Variants in NXPH1 observed in about 807,000 individuals in gnomAD.
The protein encoded by NXPH1 is neurexophilin-1.
In NXPH1, 5 loss-of-function variants were observed where a neutral mutation model predicts 23.7. The observed-to-expected ratio is 0.21, with a 90% CI of 0.11 to 0.44. The LOEUF is 0.44. Ranked by LOEUF, NXPH1 falls within the 20% of genes least tolerant of loss-of-function variation. The pLI, the probability that NXPH1 is intolerant of heterozygous loss-of-function variation, is 0.99. For missense variants in NXPH1, 324 were observed against 321.6 expected (o/e 1.01, Z -0.06); for synonymous variants, 144 against 122.2 (o/e 1.18, Z -1.18).
At chr7:8,646,112 A>T (rs945980225) in intron 2 of NXPH1, among the ~76,000 whole-genome samples, 1 of 152,122 alleles carries the variant, frequency 6.6e-6, no homozygotes, top group Non-Finnish European at 1.5e-5. Flanking sequence ...CTATCCATTA[A>T]TGTGACCAAC....
At chr7:8,742,293 G>A (rs953774130) in intron 2 of NXPH1, among the ~76,000 whole-genome samples, 2 of 151,950 alleles carry the variant, frequency 1.3e-5, no homozygotes, top group Non-Finnish European at 2.9e-5. Context: ...AATGAGAGAG[G>A]GGAGTGGGAT....
At chr7:8,641,323 T>A (rs923355093) in intron 2 of NXPH1, among the ~76,000 whole-genome samples, 2 of 152,210 alleles carry the variant, frequency 1.3e-5, no homozygotes, top group African/African-American at 4.8e-5. Flanking sequence ...AAAACCCTGG[T>A]GTGCGGGAGC....
At chr7:8,443,947 C>G (rs1373377870) in intron 2 of NXPH1, among the ~76,000 whole-genome samples, 5 of 152,202 alleles carry the variant, frequency 3.3e-5, no homozygotes, top group Non-Finnish European at 5.9e-5. Flanking sequence ...GCCGCTGTTG[C>G]ACACTCCCCT....
chr7:8,501,031 A>G (rs995719677), intron 2 of NXPH1, among the ~76,000 whole-genome samples: 2 of 152,076 alleles, frequency 1.3e-5, no homozygotes, highest in Non-Finnish European at 2.9e-5. Context: ...CTGGTCTGCA[A>G]TTGTGGAAGG....
At chr7:8,481,947 G>A (rs928280272) in intron 2 of NXPH1, among the ~76,000 whole-genome samples, 4 of 152,130 alleles carry the variant, frequency 2.6e-5, no homozygotes, top group Non-Finnish European at 4.4e-5. Flanking sequence ...AGCACCTGAT[G>A]CCCCCTCTGG....
intron 2 of NXPH1, among the ~76,000 whole-genome samples, chr7:8,717,935 G>A (rs1779904852): frequency 6.7e-6 from 1 of 150,258 alleles, no homozygotes; most frequent in South Asian, 2.1e-4. Flanking sequence ...ATATGCATGT[G>A]TATACATATA....
At position 8,738,798 on chromosome 7, in the gene NXPH1, C is replaced by T. The variant is rs7796533; in HGVS notation, c.55-12210C>T. Among the ~76,000 whole-genome samples the T allele has an allele frequency of 6.6e-3, 1,007 of 152,236 alleles. 11 individuals are homozygous for T. Among genetic ancestry groups the T allele is most frequent in the African/African-American group, 0.023 (966 of 41,520 alleles). On this transcript the variant is annotated intron_variant, in intron 2 of 2. Transcript: ENST00000405863. ...TATAAGCCCCTGACTGGGGCTGCTG[C>T]CTTTCTTTCAGAGATGCCCTGACCA...
chr7:8,472,740 T>A (rs1199295363), intron 2 of NXPH1, among the ~76,000 whole-genome samples: 1 of 152,096 alleles, frequency 6.6e-6, no homozygotes, highest in Non-Finnish European at 1.5e-5. Flanking sequence ...TTATAAAGAG[T>A]TAAACTAGGC....
At chr7:8,669,576 T>C (rs898169589) in intron 2 of NXPH1, among the ~76,000 whole-genome samples, 4 of 152,118 alleles carry the variant, frequency 2.6e-5, no homozygotes, top group African/African-American at 9.7e-5. Context: ...TTTACTGGGG[T>C]GAACCTGGTG....
At chr7:8,445,653 C>G (rs1816391709) in intron 2 of NXPH1, among the ~76,000 whole-genome samples, 1 of 152,100 alleles carries the variant, frequency 6.6e-6, no homozygotes, top group Admixed American at 6.6e-5. Context: ...TTTAAAGAGC[C>G]TTTTTCATTT....
chr7:8,715,993 G>A (rs1779871461), intron 2 of NXPH1, among the ~76,000 whole-genome samples: 1 of 152,046 alleles, frequency 6.6e-6, no homozygotes, highest in Non-Finnish European at 1.5e-5. Context: ...ATACATATAT[G>A]TGTACATATA....
At chr7:8,588,295 G>C (rs1221507185) in intron 2 of NXPH1, among the ~76,000 whole-genome samples, 2 of 152,138 alleles carry the variant, frequency 1.3e-5, no homozygotes, top group African/African-American at 4.8e-5. Flanking sequence ...AGACACAGGA[G>C]TGAATTTTTT....
Position 8,691,818 on chromosome 7 carries a change from C to A in NXPH1, c.55-59190C>A, listed in dbSNP as rs186958297. ...AATAGGGAAGACAAGCAATGAACAA[C>A]TACAACACAAGTAAACAGTTTATAA... On this transcript the variant is annotated intron_variant, in intron 2 of 2. Coordinates refer to ENST00000405863, the MANE Select transcript of NXPH1 (RefSeq NM_152745.3). Among the ~76,000 whole-genome samples the A allele has an allele frequency of 3.9e-5, 6 of 152,224 alleles. No individual in the cohort carries two copies. The East Asian group carries it at 1.2e-3, about 29-fold the overall frequency.
chr7:8,515,485 T>C (rs1483813340), intron 2 of NXPH1, among the ~76,000 whole-genome samples: 3 of 152,202 alleles, frequency 2.0e-5, no homozygotes, highest in Non-Finnish European at 4.4e-5. Flanking sequence ...GTGTTGTTTA[T>C]AAAAATGCTT....
rs538518328 is a variant in NXPH1, at chr7:8,748,716, T to C, written c.55-2292T>C. On this transcript the variant is annotated intron_variant, in intron 2 of 2. Coordinates refer to ENST00000405863, the MANE Select transcript of NXPH1 (RefSeq NM_152745.3). ...AGCCTCAAAGAGTTCACAGTTTTTT[T>C]TGTTAGCCTACCCAGAGTTTCAGTT... is the stretch of plus-strand genomic sequence containing the variant. Among the ~76,000 whole-genome samples, 4 of 152,358 alleles carry C rather than the reference T, an allele frequency of 2.6e-5. No homozygotes were observed. The East Asian group carries it at 7.7e-4, about 29-fold the overall frequency.
chr7:8,438,368 T>C (rs1816232196), intron 2 of NXPH1, among the ~76,000 whole-genome samples: 1 of 152,234 alleles, frequency 6.6e-6, no homozygotes, highest in African/African-American at 2.4e-5. Context: ...AGGAGCTGCT[T>C]TAAGTTACAT....
intron 2 of NXPH1, among the ~76,000 whole-genome samples, chr7:8,733,598 T>C (rs1487556575): frequency 1.3e-5 from 2 of 152,224 alleles, no homozygotes; most frequent in East Asian, 3.8e-4. Context: ...TAGTATCTCA[T>C]TGTGGTTTTT....
At chr7:8,521,990 C>T (rs1393487680) in intron 2 of NXPH1, among the ~76,000 whole-genome samples, 1 of 152,068 alleles carries the variant, frequency 6.6e-6, no homozygotes. Flanking sequence ...AGGATACTGA[C>T]ACTGCTACCT....
chr7:8,578,755 T>G (rs1818801356), intron 2 of NXPH1, among the ~76,000 whole-genome samples: 1 of 152,284 alleles, frequency 6.6e-6, no homozygotes, highest in African/African-American at 2.4e-5. Context: ...CAGGCATAAG[T>G]TGCTATGGAA....
Sources: allele counts gnomAD v4.1 joint callset (sites outside exome capture counted in the v4.1 genomes callset), GRCh38; gene constraint gnomAD v4.1.1; transcripts MANE v1.5; gene names NCBI Gene and HGNC (gene_info 2026-07-23, HGNC 2026-07-21).